Variants in TEX9 observed in about 807,000 individuals in gnomAD.
TEX9 encodes the protein testis expressed 9.
A neutral mutation model predicts 59.6 loss-of-function variants in TEX9; 74 were observed. The observed-to-expected ratio is 1.24, with a 90% CI of 1.03 to 1.51. The LOEUF (loss-of-function observed/expected upper bound fraction) is 1.51. Ranked by LOEUF, TEX9 falls within the 40% of genes most tolerant of loss-of-function variation. TEX9 has a pLI of 0.00. For missense variants in TEX9, 522 were observed against 447.8 expected (o/e 1.17, Z -1.49); for synonymous variants, 186 against 152.2 (o/e 1.22, Z -1.64).
At chr15:56,320,737 C>T (rs1376922614) in intron 1 of TEX9, among the ~76,000 whole-genome samples, 1 of 152,156 alleles carries the variant, frequency 6.6e-6, no homozygotes, top group African/African-American at 2.4e-5. Flanking sequence ...AGAATGGGTA[C>T]ACTTTGAGAG....
In TEX9 at chr15:56,355,451, CTG is replaced by C. The variant is rs200881756; in HGVS notation, c.-106-17988_-106-17987del. 6.8e-3 allele frequency among the ~76,000 whole-genome samples: 1,034 copies of C among 152,248 alleles called. 13 individuals are homozygous for C. The highest frequency in any genetic ancestry group is 0.023 in the African/African-American group (964 of 41,558). On this transcript the variant is annotated intron_variant, in intron 1 of 5. Coordinates refer to the TEX9 transcript ENST00000560827. ...TAAAATTTGTGGGTCTACATCTGGA[CTG>C]TCTCTTCTTTTCCATTGATTTACAT...
the TEX9 span, among the ~76,000 whole-genome samples, chr15:56,459,568 C>T: frequency 1.3e-5 from 2 of 152,090 alleles, no homozygotes; most frequent in African/African-American, 2.4e-5. Flanking sequence ...TGTGGTAATT[C>T]GTTACTTAGC....
At chr15:56,250,655 G>A (rs776610916) in intron 1 of TEX9, among the ~76,000 whole-genome samples, 2 of 152,078 alleles carry the variant, frequency 1.3e-5, no homozygotes, top group Non-Finnish European at 2.9e-5. Context: ...TAAAGGAATT[G>A]GCTTATGTGA....
At chr15:56,266,089 G>A (rs1243080915) in intron 1 of TEX9, among the ~76,000 whole-genome samples, 2 of 151,010 alleles carry the variant, frequency 1.3e-5, no homozygotes, top group Admixed American at 6.6e-5. Context: ...GCATTTTTTT[G>A]TATATTCTTG....
intron 1 of TEX9, among the ~76,000 whole-genome samples, chr15:56,320,456 A>T (rs1018807637): frequency 2.6e-5 from 4 of 151,780 alleles, no homozygotes; most frequent in Admixed American, 2.0e-4. Flanking sequence ...TCCTTACATG[A>T]CCTTTCTTGT....
intron 3 of TEX9, among the ~76,000 whole-genome samples, chr15:56,380,962 T>C (rs1208762822): frequency 6.6e-6 from 1 of 152,202 alleles, no homozygotes; most frequent in African/African-American, 2.4e-5. Context: ...TTGATAACTT[T>C]CTCAAGGTTT....
intron 1 of TEX9, among the ~76,000 whole-genome samples, chr15:56,255,096 G>A (rs553686940): frequency 2.4e-4 from 37 of 152,160 alleles, no homozygotes; most frequent in African/African-American, 7.9e-4. Context: ...TAGATTAGAC[G>A]TTGGCAAATG....
chr15:56,364,668 A>G (rs111845731), upstream of TEX9, among the ~76,000 whole-genome samples: 861 of 152,236 alleles, frequency 5.7e-3, 3 homozygotes, highest in Middle Eastern at 0.014. Flanking sequence ...GCATTTGGAT[A>G]TCCAGTTGTC....
intron 1 of TEX9, among the ~76,000 whole-genome samples, chr15:56,303,741 G>T (rs2045414020): frequency 6.6e-6 from 1 of 151,928 alleles, no homozygotes; most frequent in Non-Finnish European, 1.5e-5. Context: ...TTTTTGAAAA[G>T]AAAATTTACA....
At chr15:56,449,767 G>C (rs945074426), downstream of TEX9, among the ~76,000 whole-genome samples, 2 of 152,074 alleles carry the variant, frequency 1.3e-5, no homozygotes, top group Admixed American at 6.5e-5. Flanking sequence ...ATTTCTTCTT[G>C]TGCCAATCAG....
At chr15:56,365,455 C>G (rs780412697) in exon 1 of TEX9, 16 of 1,609,688 alleles carry the variant, frequency 9.9e-6, no homozygotes, top group Non-Finnish European at 1.2e-5. Context: ...CCGAAGATGG[C>G]GGGGCGAAGT....
intron 1 of TEX9, among the ~76,000 whole-genome samples, chr15:56,299,591 C>G (rs2045293610): frequency 6.6e-6 from 1 of 152,154 alleles, no homozygotes; most frequent in Non-Finnish European, 1.5e-5. Context: ...CTCCCCTAAA[C>G]CCAGGTAGCT....
intron 12 of TEX9, chr15:56,443,395 C>T (rs763829243): frequency 1.4e-6 from 2 of 1,439,356 alleles, no homozygotes; most frequent in East Asian, 4.6e-5. Context: ...ATATTCTTCT[C>T]TACATTAATC....
intron 1 of TEX9, among the ~76,000 whole-genome samples, chr15:56,326,703 G>A (rs758260755): frequency 6.6e-6 from 1 of 152,154 alleles, no homozygotes; most frequent in Non-Finnish European, 1.5e-5. Flanking sequence ...AAAATCTCAT[G>A]GAGAAACGCT....
chr15:56,418,658 A>C (rs1461692567), intron 10 of TEX9, among the ~76,000 whole-genome samples: 2 of 151,670 alleles, frequency 1.3e-5, no homozygotes, highest in African/African-American at 2.4e-5. Context: ...CTCAAAAAAA[A>C]CCAAAAAACA....
At chr15:56,409,741 C>G (rs2049257869) in intron 9 of TEX9, 1 of 152,268 alleles carries the variant, frequency 6.6e-6, no homozygotes, top group African/African-American at 2.4e-5. Context: ...GGTTCATCTT[C>G]CCACATTGGA....
chr15:56,312,088 G>A (rs1473350778), intron 1 of TEX9, among the ~76,000 whole-genome samples: 1 of 150,008 alleles, frequency 6.7e-6, no homozygotes, highest in African/African-American at 2.4e-5. Context: ...CTCCCATTTT[G>A]TAGGTTGCCT....
intron 1 of TEX9, among the ~76,000 whole-genome samples, chr15:56,295,959 C>T (rs1296598943): frequency 6.6e-6 from 1 of 152,198 alleles, no homozygotes; most frequent in Non-Finnish European, 1.5e-5. Flanking sequence ...TGCTGCCTCT[C>T]CTGGCTTCAT....
intron 3 of TEX9, among the ~76,000 whole-genome samples, chr15:56,376,497 T>C (rs947509012): frequency 7.9e-5 from 12 of 152,204 alleles, no homozygotes; most frequent in African/African-American, 2.9e-4. Flanking sequence ...TGCATTTCTT[T>C]GATGATCATT....
Sources: gnomAD v4.1 joint callset for allele counts (sites outside exome capture counted in the v4.1 genomes callset) on GRCh38, gnomAD v4.1.1 for gene constraint, MANE v1.5 for transcripts, NCBI Gene and HGNC (gene_info 2026-07-23, HGNC 2026-07-21) for gene names.